The following DRGX variants were observed in gnomAD, a reference collection of about 807,000 sequenced individuals.
DRGX encodes the protein dorsal root ganglia homeobox.
DRGX carries 21 observed loss-of-function variants against 28.6 expected under a neutral mutation model. The observed-to-expected ratio is 0.73, with a 90% CI of 0.52 to 1.06. DRGX has a LOEUF of 1.06. Ranked by LOEUF, DRGX falls within the 50% of genes least tolerant of loss-of-function variation. The pLI is 0.00. For missense variants in DRGX, 354 were observed against 343.9 expected (o/e 1.03, Z -0.23); for synonymous variants, 136 against 139.1 (o/e 0.98, Z 0.16).
chr10:49,380,856 C>T (rs1048198331), intron 6 of DRGX, among the ~76,000 whole-genome samples: 1 of 152,158 alleles, frequency 6.6e-6, no homozygotes, highest in Non-Finnish European at 1.5e-5. Flanking sequence ...GGACTCTGGT[C>T]AACAATAGTT....
chr10:49,387,120 T>C (rs1402138549), intron 4 of DRGX, among the ~76,000 whole-genome samples: 2 of 152,250 alleles, frequency 1.3e-5, no homozygotes, highest in African/African-American at 2.4e-5. Flanking sequence ...TGGAAATCCT[T>C]AACGTTGAGT....
At chr10:49,387,373 T>G (rs1040941124) in intron 4 of DRGX, among the ~76,000 whole-genome samples, 1 of 152,156 alleles carries the variant, frequency 6.6e-6, no homozygotes, top group Admixed American at 6.5e-5. Context: ...AAACATTGAC[T>G]CTGGGTCAGG....
rs78733648 is a variant in DRGX, at chr10:49,368,725, G to A, written c.527-2344C>T. 8.1e-4 allele frequency among the ~76,000 whole-genome samples: 123 copies of A among 152,364 alleles called. 1 individual carries two copies. Among genetic ancestry groups the A allele is most frequent in the African/African-American group, 2.8e-3 (115 of 41,594 alleles). On this transcript the variant is annotated intron_variant, in intron 6 of 6. Transcript: ENST00000374139. ...GTTATTAAGAATGGTGGTCCCCCTTGGAGAGGGTATGCTGTAGATTTGTGT... is the reference window on the plus strand; with the variant it reads ...GTTATTAAGAATGGTGGTCCCCCTTAGAGAGGGTATGCTGTAGATTTGTGT...
At chr10:49,383,248 T>C (rs762014777) in intron 6 of DRGX, among the ~76,000 whole-genome samples, 5 of 152,308 alleles carry the variant, frequency 3.3e-5, no homozygotes, top group African/African-American at 7.2e-5. Context: ...ACCGTGAGAA[T>C]TGAATGGCAG....
At chr10:49,381,392 C>T (rs1397913548) in intron 6 of DRGX, among the ~76,000 whole-genome samples, 1 of 152,238 alleles carries the variant, frequency 6.6e-6, no homozygotes, top group Admixed American at 6.5e-5. Context: ...AAACCTCCAA[C>T]CCTTGCCCGG....
intron 6 of DRGX, 121 bp from the exon 7 acceptor site, chr10:49,366,502 C>T (rs532392924): frequency 5.0e-6 from 7 of 1,392,996 alleles, no homozygotes; most frequent in Middle Eastern, 4.2e-4. Flanking sequence ...GTGCCAGATA[C>T]TAAAGGGAGA....
chr10:49,380,703 T>G (rs1477539455), intron 6 of DRGX, among the ~76,000 whole-genome samples: 1 of 152,106 alleles, frequency 6.6e-6, no homozygotes, highest in East Asian at 1.9e-4. Flanking sequence ...GGTCAAAAAT[T>G]GGAGCAACAA....
intron 3 of DRGX, 29 bp downstream of exon 3, chr10:49,391,135 A>T: frequency 1.9e-6 from 3 of 1,610,184 alleles, no homozygotes; most frequent in Non-Finnish European, 2.5e-6. Context: ...GAAGTAGCTG[A>T]TGTTTGAAAG....
chr10:49,391,071 G>A, intron 3 of DRGX, 93 bp downstream of exon 3: 1 of 1,327,728 alleles, frequency 7.5e-7, no homozygotes, highest in South Asian at 1.3e-5. Flanking sequence ...TAATCAATTG[G>A]TCTTATTTTA....
intron 6 of DRGX, among the ~76,000 whole-genome samples, chr10:49,382,130 C>A (rs773314643): frequency 2.6e-5 from 4 of 152,018 alleles, no homozygotes; most frequent in Non-Finnish European, 5.9e-5. Flanking sequence ...ATGTCCAAGG[C>A]CTCTCATTGT....
intron 6 of DRGX, among the ~76,000 whole-genome samples, chr10:49,378,554 T>C (rs546367820): frequency 2.0e-5 from 3 of 152,362 alleles, no homozygotes; most frequent in Non-Finnish European, 4.4e-5. Flanking sequence ...GGATGAATTG[T>C]ATAGAATGCA....
At chr10:49,370,704 A>C (rs930465548) in intron 6 of DRGX, among the ~76,000 whole-genome samples, 2 of 152,258 alleles carry the variant, frequency 1.3e-5, no homozygotes, top group Admixed American at 1.3e-4. Context: ...GAGAGAGGCC[A>C]TCTGTGTAAG....
intron 2 of DRGX, among the ~76,000 whole-genome samples, chr10:49,393,314 A>G (rs556799373): frequency 3.3e-4 from 51 of 152,398 alleles, no homozygotes; most frequent in African/African-American, 1.2e-3. Flanking sequence ...CAGTGCAAAT[A>G]AGGCAAAACA....
intron 6 of DRGX, among the ~76,000 whole-genome samples, chr10:49,367,110 G>A (rs1436143062): frequency 2.0e-5 from 3 of 152,180 alleles, no homozygotes; most frequent in Non-Finnish European, 4.4e-5. Context: ...AATCCCAACA[G>A]TTTGGGAGTC....
At chr10:49,385,791 C>T (rs1198642370) in intron 6 of DRGX, among the ~76,000 whole-genome samples, 2 of 152,092 alleles carry the variant, frequency 1.3e-5, no homozygotes, top group African/African-American at 2.4e-5. Flanking sequence ...CTCCCCCAGA[C>T]GCACGCTGGG....
Position 49,366,085 on chromosome 10 carries a change from G to A in DRGX, c.*31C>T, listed in dbSNP as rs1172904993. The A allele has an allele frequency of 1.3e-6, 2 of 1,515,446 alleles. No homozygotes were observed. 93.9% of individuals were successfully genotyped at this position (1,515,446 alleles called of 1,614,324 possible). ...GAGGCTGGGAGAAGGAGGGGCGGGG[G>A]AGGGCAGGCCGGGCGGGGCACTGTG... On this transcript the variant is annotated 3_prime_UTR_variant, in exon 7 of 7. Transcript: ENST00000374139.
rs115624587 is a variant in DRGX, at chr10:49,391,308, C to T, written c.35-47G>A. On this transcript the variant is annotated intron_variant, in intron 2 of 6. Coordinates refer to ENST00000374139, the MANE Select transcript of DRGX (RefSeq NM_001276451.2). ...ACCTGGGCAGGAAGGGGCCCCAGTC[C>T]TCAGACCGCCCCCAGACACAGTTCA... 1,088 of 1,521,780 alleles carry T rather than the reference C, an allele frequency of 7.1e-4. 8 individuals carry two copies. In the African/African-American group the frequency reaches 0.012, roughly 17 times the overall value. 94.3% of individuals were successfully genotyped at this position (1,521,780 alleles called of 1,614,324 possible). A position where few individuals can be genotyped will look rare whatever the true frequency, so the allele number is the denominator to read the frequency against.
intron 6 of DRGX, among the ~76,000 whole-genome samples, chr10:49,379,445 AT>A (rs535321110): frequency 6.6e-6 from 1 of 152,220 alleles, no homozygotes; most frequent in African/African-American, 2.4e-5. Flanking sequence ...AAACATCACA[AT>A]TTTTTTAAAA....
At chr10:49,388,752 G>C (rs917709231) in intron 4 of DRGX, among the ~76,000 whole-genome samples, 3 of 151,800 alleles carry the variant, frequency 2.0e-5, no homozygotes, top group African/African-American at 7.3e-5. Flanking sequence ...CATCAGCTTC[G>C]ATTAAGACCC....
Sources: gnomAD v4.1 joint callset for allele counts (sites outside exome capture counted in the v4.1 genomes callset) on GRCh38, gnomAD v4.1.1 for gene constraint, MANE v1.5 for transcripts, NCBI Gene and HGNC (gene_info 2026-07-23, HGNC 2026-07-21) for gene names.